GALNT17: variants seen among roughly 807,000 people sequenced by gnomAD.
The protein encoded by GALNT17 is UDP-GalNAc:polypeptide N-acetylgalactosaminyltransferase-like 3.
GALNT17 carries 29 observed loss-of-function variants against 63.7 expected under a neutral mutation model. That is an observed-to-expected ratio of 0.46 (90% CI 0.34 to 0.62). GALNT17 has a LOEUF of 0.62. GALNT17 is among the 20% of genes least tolerant of loss of function. GALNT17 has a pLI of 0.01. For synonymous variants in GALNT17, 305 were observed against 318.3 expected (o/e 0.96, Z 0.45); for missense variants, 603 against 799.6 (o/e 0.75, Z 2.97).
At chr7:71,265,157 C>T (rs1484325817) in intron 1 of GALNT17, among the ~76,000 whole-genome samples, 2 of 103,150 alleles carry the variant, frequency 1.9e-5, no homozygotes, top group Admixed American at 1.1e-4. Flanking sequence ...GATGGAGTCT[C>T]TCTCTGTCAC....
chr7:71,465,772 T>G (rs1201049407), intron 5 of GALNT17, among the ~76,000 whole-genome samples: 1 of 152,246 alleles, frequency 6.6e-6, no homozygotes, highest in Non-Finnish European at 1.5e-5. Context: ...CCGAAGCTTA[T>G]ATACTGTCTT....
intron 5 of GALNT17, among the ~76,000 whole-genome samples, chr7:71,551,864 T>C (rs1789082974): frequency 6.6e-6 from 1 of 152,006 alleles, no homozygotes; most frequent in South Asian, 2.1e-4. Context: ...AGAATTTTTG[T>C]TTACTTCTGC....
At chr7:71,435,989 C>T (rs1786954478) in intron 5 of GALNT17, among the ~76,000 whole-genome samples, 1 of 148,768 alleles carries the variant, frequency 6.7e-6, no homozygotes, top group African/African-American at 2.5e-5. Context: ...TACTGCACTC[C>T]AGCCTGGGTT....
At chr7:71,284,962 A>G (rs1790846817) in intron 1 of GALNT17, among the ~76,000 whole-genome samples, 1 of 152,110 alleles carries the variant, frequency 6.6e-6, no homozygotes, top group African/African-American at 2.4e-5. Flanking sequence ...GGTGGCATCC[A>G]AGGTGTTATG....
chr7:71,337,484 T>C (rs909519936), intron 2 of GALNT17, among the ~76,000 whole-genome samples: 1 of 152,184 alleles, frequency 6.6e-6, no homozygotes, highest in African/African-American at 2.4e-5. Flanking sequence ...ACTAGACCCT[T>C]CCAATACTGG....
At chr7:71,466,294 T>C (rs957751618) in intron 5 of GALNT17, among the ~76,000 whole-genome samples, 4 of 152,180 alleles carry the variant, frequency 2.6e-5, no homozygotes, top group African/African-American at 7.2e-5. Flanking sequence ...GGGTCAGATA[T>C]GCCTCATTGT....
At chr7:71,458,983 G>A (rs1787404817) in intron 5 of GALNT17, among the ~76,000 whole-genome samples, 1 of 152,056 alleles carries the variant, frequency 6.6e-6, no homozygotes, top group African/African-American at 2.4e-5. Flanking sequence ...CTTGAGGGTG[G>A]GGCCTTTGCT....
intron 5 of GALNT17, among the ~76,000 whole-genome samples, chr7:71,467,465 G>T (rs1440166906): frequency 6.6e-6 from 1 of 152,172 alleles, no homozygotes; most frequent in Non-Finnish European, 1.5e-5. Flanking sequence ...CTACTTCAGG[G>T]GAGTGGGGCA....
chr7:71,365,812 G>A (rs146209117), intron 2 of GALNT17, among the ~76,000 whole-genome samples: 4 of 152,192 alleles, frequency 2.6e-5, no homozygotes, highest in African/African-American at 9.6e-5. Context: ...CTGGGGGTGA[G>A]GGGTGGGTTG....
chr7:71,418,659 T>G (rs1295418990), intron 4 of GALNT17, among the ~76,000 whole-genome samples: 1 of 152,158 alleles, frequency 6.6e-6, no homozygotes, highest in Non-Finnish European at 1.5e-5. Context: ...TAAATGGGAA[T>G]TGGAGACTGG....
intron 5 of GALNT17, 71 bp from the exon 6 acceptor site, chr7:71,571,214 A>G (rs1238137659): frequency 5.3e-6 from 7 of 1,320,468 alleles, no homozygotes; most frequent in South Asian, 1.2e-5. Flanking sequence ...AGTACATACT[A>G]GGACGGTGCC....
At chr7:71,404,253 C>T (rs1793289118) in intron 3 of GALNT17, among the ~76,000 whole-genome samples, 1 of 152,174 alleles carries the variant, frequency 6.6e-6, no homozygotes, top group Non-Finnish European at 1.5e-5. Context: ...TTACAAAGTG[C>T]CCCTCATGAA....
intron 1 of GALNT17, among the ~76,000 whole-genome samples, chr7:71,152,407 G>T (rs923329934): frequency 6.6e-6 from 1 of 152,022 alleles, no homozygotes; most frequent in Non-Finnish European, 1.5e-5. Context: ...CCCAAGGGGC[G>T]GAGTAGACTG....
chr7:71,353,068 T>G (rs1254842372), intron 2 of GALNT17, among the ~76,000 whole-genome samples: 1 of 151,558 alleles, frequency 6.6e-6, no homozygotes, highest in African/African-American at 2.4e-5. Flanking sequence ...AGAAGAGGCA[T>G]GCTAGCCTGA....
At chr7:71,162,227 A>G (rs1347656225) in intron 1 of GALNT17, among the ~76,000 whole-genome samples, 2 of 147,336 alleles carry the variant, frequency 1.4e-5, no homozygotes, top group African/African-American at 5.0e-5. Flanking sequence ...TACTTTCGTT[A>G]TTCTTTCAAA....
chr7:71,415,042 C>G (rs1451323379), intron 3 of GALNT17, among the ~76,000 whole-genome samples: 2 of 151,920 alleles, frequency 1.3e-5, no homozygotes, highest in African/African-American at 4.8e-5. Flanking sequence ...CCAGGTCTTT[C>G]TCTGTTGCCC....
At chr7:71,273,249 C>A (rs1243649407) in intron 1 of GALNT17, among the ~76,000 whole-genome samples, 1 of 152,200 alleles carries the variant, frequency 6.6e-6, no homozygotes, top group African/African-American at 2.4e-5. Flanking sequence ...GATACCAGTT[C>A]TCTGAAATGT....
chr7:71,638,206 C>T (rs1321750282), intron 6 of GALNT17, among the ~76,000 whole-genome samples: 3 of 152,192 alleles, frequency 2.0e-5, no homozygotes, highest in Admixed American at 6.5e-5. Flanking sequence ...TTGAGGAAGA[C>T]CAGAGGTCAC....
chr7:71,659,407 G>C (rs1463432817), intron 6 of GALNT17, among the ~76,000 whole-genome samples: 1 of 152,168 alleles, frequency 6.6e-6, no homozygotes, highest in South Asian at 2.1e-4. Flanking sequence ...GCACACACTG[G>C]CATTCCACTG....
Sources: allele counts gnomAD v4.1 joint callset (sites outside exome capture counted in the v4.1 genomes callset), GRCh38; gene constraint gnomAD v4.1.1; transcripts MANE v1.5; gene names NCBI Gene and HGNC (gene_info 2026-07-23, HGNC 2026-07-21).